The following DLG1 variants were observed in gnomAD, a reference collection of about 807,000 sequenced individuals.
DLG1 encodes disks large homolog 1.
Under a neutral mutation model 123.4 loss-of-function variants are expected in DLG1, and 42 were observed. The ratio of observed to expected loss-of-function variants is 0.34; its 90% confidence interval spans 0.27 to 0.44. The LOEUF is 0.44. Among genes scored for constraint, DLG1 ranks in the 20% least tolerant of loss-of-function variants. DLG1 has a pLI of 1.00. For missense variants in DLG1, 942 were observed against 1,082.6 expected, an observed-to-expected ratio of 0.87 and a Z score of 1.82; for synonymous variants, 317 against 356.2, an observed-to-expected ratio of 0.89 and a Z score of 1.24.
chr3:197,142,660 G>C (rs2149676299), intron 7 of DLG1, 58 bp downstream of exon 7: 2 of 1,285,446 alleles, frequency 1.6e-6, no homozygotes, highest in East Asian at 2.5e-5. Flanking sequence ...GATTCTGTAT[G>C]AAAAAGCAGT....
chr3:197,069,589 G>A (rs938545804), intron 18 of DLG1: 3 of 178,872 alleles, frequency 1.7e-5, no homozygotes, highest in African/African-American at 2.3e-5. Context: ...AAATACTGTT[G>A]GCACTATTTC....
chr3:197,284,136 C>T (rs915246617), intron 3 of DLG1, among the ~76,000 whole-genome samples: 1 of 152,056 alleles, frequency 6.6e-6, no homozygotes, highest in African/African-American at 2.4e-5. Flanking sequence ...GCTGGGATTA[C>T]AGGTGTGAGC....
intron 10 of DLG1, among the ~76,000 whole-genome samples, chr3:197,135,560 G>A (rs1784675586): frequency 6.6e-6 from 1 of 152,106 alleles, no homozygotes; most frequent in Non-Finnish European, 1.5e-5. Context: ...ATTCTTCATA[G>A]CAGTGTGAAA....
chr3:197,257,279 C>T (rs1757304271), intron 4 of DLG1, among the ~76,000 whole-genome samples: 1 of 151,924 alleles, frequency 6.6e-6, no homozygotes, highest in Non-Finnish European at 1.5e-5. Flanking sequence ...TTCATAATTC[C>T]CAAACTGATA....
intron 3 of DLG1, among the ~76,000 whole-genome samples, 182 bp from the exon 4 acceptor site, chr3:197,283,027 C>T (rs964504921): frequency 4.6e-5 from 7 of 152,108 alleles, no homozygotes; most frequent in African/African-American, 9.7e-5. Context: ...ATATCAGAAC[C>T]TGCAGGGCAC....
At chr3:197,116,271 A>C (rs1773220530) in intron 12 of DLG1, among the ~76,000 whole-genome samples, 188 bp from the exon 13 acceptor site, 1 of 152,126 alleles carries the variant, frequency 6.6e-6, no homozygotes, top group East Asian at 1.9e-4. Context: ...AAAAAATCTA[A>C]TTTTATATAA....
intron 14 of DLG1, among the ~76,000 whole-genome samples, 157 bp from the exon 15 acceptor site, chr3:197,091,183 CA>C (rs910982833): frequency 1.4e-3 from 210 of 150,444 alleles, no homozygotes; most frequent in African/African-American, 4.3e-3. Flanking sequence ...ACATAAATTT[CA>C]AAAAAAAATT....
At chr3:197,113,408 T>A (rs1771203192) in intron 13 of DLG1, among the ~76,000 whole-genome samples, 1 of 152,316 alleles carries the variant, frequency 6.6e-6, no homozygotes, top group East Asian at 1.9e-4. Context: ...CTTCCTTAGT[T>A]CTGATAATTT....
intron 24 of DLG1, among the ~76,000 whole-genome samples, chr3:197,050,366 C>A (rs199545882): frequency 4.7e-5 from 7 of 148,070 alleles, no homozygotes; most frequent in Non-Finnish European, 6.0e-5. Flanking sequence ...GACTCCATTT[C>A]AAAAAAAAAC....
In DLG1 at chr3:197,119,507, G is replaced by T; in HGVS notation, c.1189C>A (p.His397Asn). 6.2e-7 allele frequency: 1 copy of T among 1,609,572 alleles called. No individual in the cohort carries two copies. Among genetic ancestry groups the T allele is most frequent in the South Asian group, 1.1e-5 (1 of 90,696 alleles). Residue 397 changes from histidine to asparagine, a missense_variant, in exon 12 of 25, where the codon CAT becomes AAT. His to Asn is a moderately conservative substitution (Grantham distance 68). Coordinates refer to ENST00000667157, the MANE Select transcript of DLG1 (RefSeq NM_001366207.1). ...CCCAAGAAGGAAGATGGGCTAACAT[G>T]GTTATCAACAGGCTGAGAAGAAGCT... ...TNSSSQPVDN[H>N]VSPSSFLGQT...
chr3:197,077,933 C>T (rs1336630344), intron 17 of DLG1, among the ~76,000 whole-genome samples: 1 of 151,940 alleles, frequency 6.6e-6, no homozygotes, highest in Non-Finnish European at 1.5e-5. Context: ...TCTTAAGATG[C>T]TGTATTATTC....
chr3:197,080,871 T>C (rs951007075), intron 17 of DLG1, 180 bp downstream of exon 17: 26 of 489,096 alleles, frequency 5.3e-5, no homozygotes, highest in African/African-American at 5.0e-4. Context: ...AATGATAGTT[T>C]TGATAATTTG....
At chr3:197,281,664 T>C (rs550326504) in intron 4 of DLG1, among the ~76,000 whole-genome samples, 40 of 152,124 alleles carry the variant, frequency 2.6e-4, no homozygotes, top group Non-Finnish European at 5.4e-4. Flanking sequence ...AAAAGAAACA[T>C]ACAAGGTCTA....
chr3:197,164,752 A>AG (rs1561170274), intron 5 of DLG1, among the ~76,000 whole-genome samples: 2 of 151,116 alleles, frequency 1.3e-5, no homozygotes, highest in Non-Finnish European at 3.0e-5. Context: ...AAAAAAAAAA[A>AG]AAAGAAAAAA....
intron 5 of DLG1, among the ~76,000 whole-genome samples, chr3:197,178,894 C>T (rs923153730): frequency 4.6e-5 from 7 of 152,034 alleles, no homozygotes; most frequent in African/African-American, 1.7e-4. Flanking sequence ...AGCAGGTGTA[C>T]ATCCTGATAG....
intron 4 of DLG1, among the ~76,000 whole-genome samples, chr3:197,230,674 C>T (rs1298167777): frequency 2.6e-5 from 4 of 152,068 alleles, no homozygotes; most frequent in Non-Finnish European, 4.4e-5. Flanking sequence ...CACTGATTTT[C>T]AAAACATCAT....
At chr3:197,134,499 TAA>T (rs1273021623) in intron 10 of DLG1, among the ~76,000 whole-genome samples, 8 of 144,018 alleles carry the variant, frequency 5.6e-5, no homozygotes, top group Admixed American at 1.4e-4. Context: ...AAAAAAGACT[TAA>T]AATAGATTTT....
chr3:197,296,432 A>G lies in DLG1; in HGVS notation c.65T>C (p.Leu22Pro). ...LHLLEEYRSKLSQTEDRQLRS... is the reference protein window; with the variant it reads ...LHLLEEYRSKPSQTEDRQLRS... Reference sequence around the variant, plus strand: ...GAGCTGTCTGTCTTCAGTTTGGCTTAGTTTTGAACGATATTCCTCCAAAAG... The same window carrying G: ...GAGCTGTCTGTCTTCAGTTTGGCTTGGTTTTGAACGATATTCCTCCAAAAG... The change falls in exon 3 of 25, where the codon CTA becomes CCA. Residue 22 changes from leucine (L) to proline (P), a missense_variant. Physicochemically the swap from Leu to Pro is moderately conservative, Grantham distance 98. Coordinates refer to ENST00000667157, the MANE Select transcript of DLG1 (RefSeq NM_001366207.1). The G allele has an allele frequency of 6.2e-7, 1 of 1,613,650 alleles. No homozygotes were observed. Among genetic ancestry groups the G allele is most frequent in the Non-Finnish European group, 8.5e-7 (1 of 1,179,588 alleles).
chr3:197,195,068 C>A (rs146684560), intron 4 of DLG1, among the ~76,000 whole-genome samples: 18 of 151,776 alleles, frequency 1.2e-4, no homozygotes, highest in African/African-American at 4.1e-4. Context: ...ACACACACAC[C>A]TCTATGCAAT....
Sources: gnomAD v4.1 joint callset for allele counts (sites outside exome capture counted in the v4.1 genomes callset) on GRCh38, gnomAD v4.1.1 for gene constraint, MANE v1.5 for transcripts, NCBI Gene and HGNC (gene_info 2026-07-23, HGNC 2026-07-21) for gene names.